The following UPF1 variants were observed in gnomAD, a reference collection of about 807,000 sequenced individuals.
UPF1 encodes the protein regulator of nonsense transcripts 1.
Under a neutral mutation model 129.2 loss-of-function variants are expected in UPF1, and 9 were observed. The observed-to-expected ratio is 0.07, with a 90% CI of 0.04 to 0.12. UPF1 has a LOEUF of 0.12. Ranked by LOEUF, UPF1 falls within the 10% of genes least tolerant of loss-of-function variation. The pLI is 1.00. For synonymous variants in UPF1, 649 were observed against 644.9 expected (o/e 1.01, Z -0.10); for missense variants, 788 against 1,525.3 (o/e 0.52, Z 8.05).
intron 2 of UPF1, among the ~76,000 whole-genome samples, 154 bp downstream of exon 2, chr19:18,846,273 T>C (rs952549168): frequency 6.6e-6 from 1 of 152,170 alleles, no homozygotes; most frequent in African/African-American, 2.4e-5. Flanking sequence ...GCTCAGGCCA[T>C]GTGCACAGCC....
At chr19:18,852,337 C>T (rs1284883497) in intron 6 of UPF1, 41 bp downstream of exon 6, 3 of 1,604,688 alleles carry the variant, frequency 1.9e-6, no homozygotes, top group Non-Finnish European at 2.5e-6. Flanking sequence ...TGGGCTCTGG[C>T]TCTCACAGCT....
Position 18,865,246 on chromosome 19 carries a change from A to AC in UPF1, c.2858-41dup. On this transcript the variant is annotated intron_variant, in intron 20 of 23. Coordinates refer to ENST00000262803, the MANE Select transcript of UPF1 (RefSeq NM_002911.4). The surrounding 1 kb of genome is among the most constrained non-coding windows in gnomAD (Gnocchi z 6.1). ...GTGGGTGGGGTATCGCTGGGGTTTG[A>AC]CCGAGGCAGGTGACACCTGCCGTGT... is the stretch of plus-strand genomic sequence containing the variant. 1.9e-6 allele frequency: 3 copies of AC among 1,561,850 alleles called. No individual in the cohort carries two copies. Among genetic ancestry groups the AC allele is most frequent in the Non-Finnish European group, 2.6e-6 (3 of 1,147,212 alleles).
intron 20 of UPF1, among the ~76,000 whole-genome samples, chr19:18,864,909 TTG>T (rs1601132694): frequency 6.6e-6 from 1 of 151,690 alleles, no homozygotes; most frequent in Admixed American, 6.6e-5. Context: ...CGGCTAGTTT[TTG>T]TGTTTTTAGT....
At chr19:18,837,557 G>T (rs1024043423) in intron 1 of UPF1, among the ~76,000 whole-genome samples, 1 of 152,248 alleles carries the variant, frequency 6.6e-6, no homozygotes, top group Admixed American at 6.5e-5. Context: ...AAAGCAGTGT[G>T]TACATCCAGT....
intron 1 of UPF1, among the ~76,000 whole-genome samples, chr19:18,844,571 G>C (rs1481779318): frequency 6.6e-6 from 1 of 151,610 alleles, no homozygotes; most frequent in Non-Finnish European, 1.5e-5. Flanking sequence ...GACCTCAGGT[G>C]ATCCGCCCTG....
chr19:18,867,996 A>G lies in UPF1; in HGVS notation c.*1479A>G. The G allele has an allele frequency of 6.4e-6, 1 of 156,328 alleles. No homozygotes were observed. Among genetic ancestry groups the G allele is most frequent in the Non-Finnish European group, 1.4e-5 (1 of 70,276 alleles). 9.7% of individuals were successfully genotyped at this position (156,328 alleles called of 1,614,324 possible). On this transcript the variant is annotated 3_prime_UTR_variant, in exon 24 of 24. Coordinates refer to ENST00000262803, the MANE Select transcript of UPF1 (RefSeq NM_002911.4). ...TTCTTCCGGTAGGCCGCGTAGAGGC[A>G]TGCACCGGGTAGGTTTCCGCGGTGA...
Position 18,850,063 on chromosome 19 carries a change from T to G in UPF1, c.462-12T>G. 1 of 1,614,024 alleles carries G rather than the reference T, an allele frequency of 6.2e-7. No homozygotes were observed. The highest frequency in any genetic ancestry group is 1.1e-5 in the South Asian group (1 of 91,052). ...TTTTGGGTGTTAACCGTTTATCATT[T>G]CCTGGTTTCAGCCACATTGTAAATC... is the stretch of plus-strand genomic sequence containing the variant. On this transcript the variant is annotated splice_polypyrimidine_tract_variant and intron_variant, in intron 3 of 23. Coordinates refer to ENST00000262803, the MANE Select transcript of UPF1 (RefSeq NM_002911.4). This position sits in a 1 kb window ranked among gnomAD's most constrained non-coding sequence, Gnocchi z 7.1.
chr19:18,840,279 G>A (rs2055527822), intron 1 of UPF1, among the ~76,000 whole-genome samples: 1 of 152,134 alleles, frequency 6.6e-6, no homozygotes, highest in South Asian at 2.1e-4. Flanking sequence ...TGTGGGAACT[G>A]CCAGGGTACC....
At position 18,867,497 on chromosome 19, in the gene UPF1, G is replaced by A. The variant is rs2055866854; in HGVS notation, c.*980G>A. The A allele has an allele frequency of 1.3e-5, 2 of 152,488 alleles. No homozygotes were observed. The allele number at this position is 152,488 out of a possible 1,614,324, so 9.4% of individuals were successfully genotyped here. A position where few individuals can be genotyped will look rare whatever the true frequency, so the allele number is the denominator to read the frequency against. On this transcript the variant is annotated 3_prime_UTR_variant, in exon 24 of 24. Coordinates refer to ENST00000262803, the MANE Select transcript of UPF1 (RefSeq NM_002911.4). The stretch of plus-strand genomic sequence containing the variant: ...CCGGATTGACGGCTTTTTCCCGGGG[G>A]CCTTTGGAAGATTTGGTGGAAGGAC...
chr19:18,842,327 G>A (rs2055550616), intron 1 of UPF1, among the ~76,000 whole-genome samples: 1 of 152,196 alleles, frequency 6.6e-6, no homozygotes, highest in African/African-American at 2.4e-5. Flanking sequence ...AACCAACAGT[G>A]TGGCAGGCTG....
rs370161327 is a variant in UPF1, at chr19:18,861,076, G to A, written c.2457+94G>A. On this transcript the variant is annotated intron_variant, in intron 17 of 23. Transcript: ENST00000262803. ...TTACCCCCCAAGAGGGGCCCGTCCT[G>A]GCTGGAGCTCAGAATGGCCCAGGAA... The A allele has an allele frequency of 5.7e-4, 825 of 1,449,988 alleles. 15 individuals carry two copies. In the South Asian group the frequency reaches 9.0e-3, roughly 16 times the overall value. The allele number at this position is 1,449,988 out of a possible 1,614,324, so 89.8% of individuals were successfully genotyped here. A position where few individuals can be genotyped will look rare whatever the true frequency, so the allele number is the denominator to read the frequency against.
intron 14 of UPF1, 26 bp from the exon 15 acceptor site, chr19:18,857,270 GCTGATTCACACCTGAGCTTCTTGA>G: frequency 6.4e-7 from 1 of 1,572,722 alleles, no homozygotes; most frequent in Non-Finnish European, 8.6e-7. Context: ...GTGTGTTGAG[GCTGATTCACACCTGAGCTTCTTGA>G]CTTGTGGGGG....
At chr19:18,861,170 A>G (rs1177677194) in intron 17 of UPF1, among the ~76,000 whole-genome samples, 188 bp downstream of exon 17, 3 of 152,222 alleles carry the variant, frequency 2.0e-5, no homozygotes, top group Non-Finnish European at 4.4e-5. Flanking sequence ...GAAATTCCAC[A>G]TGATCAGGAC....
At chr19:18,848,196 C>T (rs900840873) in intron 3 of UPF1, 2 of 271,698 alleles carry the variant, frequency 7.4e-6, no homozygotes, top group Non-Finnish European at 1.5e-5. Flanking sequence ...CCTGAGCAAG[C>T]TTGCTCTGGC....
At chr19:18,855,717 G>A (rs151140082) in intron 11 of UPF1, 13 of 658,266 alleles carry the variant, frequency 2.0e-5, no homozygotes, top group South Asian at 1.2e-4. Context: ...GGGTAGTGGC[G>A]TGCACCTGTG....
Position 18,860,418 on chromosome 19 carries a change from G to A in UPF1, c.2280G>A (p.Ser760=), listed in dbSNP as rs761197505. ...AGGGCCAAGAGGAGATTGCCAGCTC[G>A]GGCACCTCCTACCTGAACAGGTGAG... ...VTQGQEEIAS[S]GTSYLNRTEA... Residue 760 remains serine, a synonymous_variant, in exon 16 of 24, where the codon TCG becomes TCA. Transcript: ENST00000262803. 54 of 1,613,926 alleles carry A rather than the reference G, an allele frequency of 3.3e-5. No homozygotes were observed. The highest frequency in any genetic ancestry group is 1.6e-4 in the Middle Eastern group (1 of 6,084).
chr19:18,859,938 G>A (rs914234433), intron 15 of UPF1: 3 of 176,344 alleles, frequency 1.7e-5, no homozygotes, highest in African/African-American at 2.4e-5. Flanking sequence ...TGGCTCAACA[G>A]TGTCACACAC....
In UPF1 at chr19:18,862,004, T is replaced by A. The variant is rs775408339; in HGVS notation, c.2458-6T>A. The A allele has an allele frequency of 6.2e-7, 1 of 1,613,790 alleles. No individual in the cohort carries two copies. Among genetic ancestry groups the A allele is most frequent in the Non-Finnish European group, 8.5e-7 (1 of 1,179,966 alleles). On this transcript the variant is annotated splice_polypyrimidine_tract_variant and splice_region_variant and intron_variant, in intron 17 of 23. Transcript: ENST00000262803. The stretch of plus-strand genomic sequence containing the variant: ...GGCTGATAGTGACCACAAAGCTCCC[T>A]TCCAGGAGGTGGAGATCGCCAGTGT...
chr19:18,836,669 A>C (rs1319501455), intron 1 of UPF1, among the ~76,000 whole-genome samples: 2 of 152,152 alleles, frequency 1.3e-5, no homozygotes, highest in Non-Finnish European at 2.9e-5. Context: ...ATGGCACACT[A>C]AACATTTGCA....
Sources: allele counts gnomAD v4.1 joint callset (sites outside exome capture counted in the v4.1 genomes callset), GRCh38; gene constraint gnomAD v4.1.1; non-coding constraint Gnocchi (gnomAD v3.1); transcripts MANE v1.5; gene names NCBI Gene and HGNC (gene_info 2026-07-23, HGNC 2026-07-21).